CACNA2D1: variants seen among roughly 807,000 people sequenced by gnomAD.
The protein encoded by CACNA2D1 is calcium voltage-gated channel auxiliary subunit alpha2delta 1.
A neutral mutation model predicts 171.5 loss-of-function variants in CACNA2D1; 53 were observed. That is an observed-to-expected ratio of 0.31 (90% CI 0.25 to 0.39). The LOEUF (loss-of-function observed/expected upper bound fraction) is 0.39, where lower values mean the gene tolerates loss of function less well. Among genes scored for constraint, CACNA2D1 ranks in the 10% least tolerant of loss-of-function variants. The pLI is 1.00. For synonymous variants in CACNA2D1, 442 were observed against 443.1 expected (o/e 1.00, Z 0.03); for missense variants, 903 against 1,299.8 (o/e 0.69, Z 4.69).
At chr7:82,208,973 A>T (rs989162578) in intron 3 of CACNA2D1, among the ~76,000 whole-genome samples, 3 of 152,186 alleles carry the variant, frequency 2.0e-5, no homozygotes, top group Admixed American at 6.5e-5. Flanking sequence ...ATTGAAGTTA[A>T]TTGATTTTAA....
intron 1 of CACNA2D1, among the ~76,000 whole-genome samples, chr7:82,363,271 T>TTTTTTTTTTTTG (rs1821294167): frequency 8.0e-6 from 1 of 124,634 alleles, no homozygotes; most frequent in Admixed American, 7.9e-5. Context: ...TTTTTTTTTT[T>TTTTTTTTTTTTG]TTTTTTTTTT....
intron 3 of CACNA2D1, among the ~76,000 whole-genome samples, chr7:82,290,713 C>T (rs1811415385): frequency 1.3e-5 from 2 of 151,672 alleles, no homozygotes; most frequent in African/African-American, 2.4e-5. Context: ...GCTCATGCCT[C>T]AGCCTCCCGA....
intron 18 of CACNA2D1, chr7:82,001,676 T>C: frequency 7.9e-7 from 1 of 1,264,916 alleles, no homozygotes; most frequent in South Asian, 1.2e-5. Flanking sequence ...TTGGGTCTCC[T>C]TTTTCTTAAA....
At chr7:82,374,998 C>G (rs1239905430) in intron 1 of CACNA2D1, among the ~76,000 whole-genome samples, 3 of 152,086 alleles carry the variant, frequency 2.0e-5, no homozygotes. Context: ...TTCCAGTTTT[C>G]TAATCCCCAA....
chr7:82,230,240 C>G (rs868749542), intron 3 of CACNA2D1, among the ~76,000 whole-genome samples: 4 of 152,170 alleles, frequency 2.6e-5, no homozygotes, highest in Non-Finnish European at 2.9e-5. Flanking sequence ...AGTAGATTGG[C>G]CTGCTTTATA....
At chr7:82,145,723 T>C (rs989557024) in intron 4 of CACNA2D1, among the ~76,000 whole-genome samples, 19 of 149,372 alleles carry the variant, frequency 1.3e-4, no homozygotes, top group African/African-American at 4.4e-4. Flanking sequence ...TATATATATA[T>C]ACACACACAT....
intron 4 of CACNA2D1, among the ~76,000 whole-genome samples, chr7:82,145,446 A>G (rs1792895485): frequency 7.6e-6 from 1 of 132,224 alleles, no homozygotes; most frequent in Non-Finnish European, 1.6e-5. Flanking sequence ...TTACATGTAT[A>G]ATTTTTATAT....
At chr7:81,956,532 T>A (rs1340202085) in intron 38 of CACNA2D1, among the ~76,000 whole-genome samples, 3 of 152,146 alleles carry the variant, frequency 2.0e-5, no homozygotes, top group Non-Finnish European at 4.4e-5. Flanking sequence ...TGCCTATATA[T>A]CAATTTTTAA....
intron 1 of CACNA2D1, among the ~76,000 whole-genome samples, chr7:82,354,350 T>C (rs1335684288): frequency 6.6e-6 from 1 of 152,114 alleles, no homozygotes; most frequent in Non-Finnish European, 1.5e-5. Context: ...TTTAAAAGGC[T>C]CCAGATATTT....
intron 3 of CACNA2D1, among the ~76,000 whole-genome samples, chr7:82,254,272 A>C (rs140768101): frequency 2.6e-5 from 4 of 152,154 alleles, no homozygotes; most frequent in Non-Finnish European, 4.4e-5. Flanking sequence ...AAAAAAGTAT[A>C]CTACCATATG....
chr7:82,291,975 A>G (rs1454612719), intron 3 of CACNA2D1, among the ~76,000 whole-genome samples: 1 of 151,492 alleles, frequency 6.6e-6, no homozygotes, highest in Admixed American at 6.6e-5. Context: ...CCCACTACAA[A>G]CACACACATA....
intron 34 of CACNA2D1, among the ~76,000 whole-genome samples, chr7:81,963,668 G>A (rs904376233): frequency 6.6e-6 from 1 of 151,922 alleles, no homozygotes; most frequent in Non-Finnish European, 1.5e-5. Flanking sequence ...TGAATTTGAT[G>A]CATGTAGACA....
chr7:82,274,809 A>G (rs1359011912), intron 3 of CACNA2D1, among the ~76,000 whole-genome samples: 1 of 152,166 alleles, frequency 6.6e-6, no homozygotes, highest in African/African-American at 2.4e-5. Flanking sequence ...AGTGCCTGAC[A>G]TACATTAAGC....
intron 2 of CACNA2D1, among the ~76,000 whole-genome samples, chr7:82,339,014 AG>A (rs1818311302): frequency 6.6e-6 from 1 of 152,208 alleles, no homozygotes; most frequent in South Asian, 2.1e-4. Flanking sequence ...TCTAAGTAGC[AG>A]TCAAGTTCAC....
chr7:81,994,056 C>T (rs1325132022), intron 20 of CACNA2D1, among the ~76,000 whole-genome samples: 1 of 151,998 alleles, frequency 6.6e-6, no homozygotes, highest in Admixed American at 6.6e-5. Flanking sequence ...TCACCTTCCA[C>T]CTAGGGAAGG....
intron 10 of CACNA2D1, among the ~76,000 whole-genome samples, chr7:82,051,376 G>C (rs1805180242): frequency 1.3e-5 from 2 of 151,872 alleles, no homozygotes; most frequent in African/African-American, 2.4e-5. Flanking sequence ...CTGCTGCTTA[G>C]CGACTACAAT....
intron 38 of CACNA2D1, among the ~76,000 whole-genome samples, chr7:81,952,660 C>A (rs899621333): frequency 1.3e-5 from 2 of 152,058 alleles, no homozygotes; most frequent in Non-Finnish European, 2.9e-5. Context: ...GGCTTGACCT[C>A]CTTTCTTTCA....
chr7:82,162,148 T>C (rs1003504104), intron 4 of CACNA2D1, among the ~76,000 whole-genome samples: 1 of 152,044 alleles, frequency 6.6e-6, no homozygotes, highest in African/African-American at 2.4e-5. Context: ...AGCTTCACCA[T>C]AGATGAAATT....
intron 3 of CACNA2D1, among the ~76,000 whole-genome samples, chr7:82,250,766 T>C (rs965716619): frequency 1.2e-4 from 18 of 152,306 alleles, no homozygotes; most frequent in African/African-American, 4.3e-4. Flanking sequence ...GTTCTTCTTT[T>C]CTTGAAAAGA....
Sources: gnomAD v4.1 joint callset for allele counts (sites outside exome capture counted in the v4.1 genomes callset) on GRCh38, gnomAD v4.1.1 for gene constraint, MANE v1.5 for transcripts, NCBI Gene and HGNC (gene_info 2026-07-23, HGNC 2026-07-21) for gene names.